Variants in GPC5 observed in about 807,000 individuals in gnomAD.
GPC5 encodes the protein glypican 5.
GPC5 carries 47 observed loss-of-function variants against 53.9 expected under a neutral mutation model. That is an observed-to-expected ratio of 0.87 (90% CI 0.69 to 1.11). The LOEUF (loss-of-function observed/expected upper bound fraction) is 1.11, where lower values mean the gene tolerates loss of function less well. Among genes scored for constraint, GPC5 ranks in the 50% most tolerant of loss-of-function variants. GPC5 has a pLI of 0.00. For missense variants in GPC5, 748 were observed against 713.1 expected, an observed-to-expected ratio of 1.05 and a Z score of -0.56; for synonymous variants, 286 against 263.3, an observed-to-expected ratio of 1.09 and a Z score of -0.84.
chr13:92,705,186 T>G (rs1252341424), intron 7 of GPC5, among the ~76,000 whole-genome samples: 3 of 152,080 alleles, frequency 2.0e-5, no homozygotes, highest in Non-Finnish European at 1.5e-5. Context: ...AAAACTAACT[T>G]CGAGGAATTT....
At chr13:91,467,870 T>G (rs1026524863) in intron 2 of GPC5, among the ~76,000 whole-genome samples, 10 of 152,188 alleles carry the variant, frequency 6.6e-5, no homozygotes, top group African/African-American at 2.4e-4. Context: ...TCATTTTGTT[T>G]TAGTTTGCAA....
At chr13:91,973,000 C>G (rs892274830) in intron 6 of GPC5, among the ~76,000 whole-genome samples, 1 of 152,080 alleles carries the variant, frequency 6.6e-6, no homozygotes, top group East Asian at 1.9e-4. Context: ...TTTCCTGAAT[C>G]TGAATGTTGG....
At chr13:92,437,668 A>G (rs1379568504) in intron 7 of GPC5, among the ~76,000 whole-genome samples, 2 of 152,098 alleles carry the variant, frequency 1.3e-5, no homozygotes, top group Admixed American at 6.6e-5. Context: ...GTGTCATACA[A>G]CATCACCCAT....
chr13:92,458,980 C>G (rs1325154182), intron 7 of GPC5, among the ~76,000 whole-genome samples: 1 of 151,984 alleles, frequency 6.6e-6, no homozygotes, highest in Non-Finnish European at 1.5e-5. Context: ...AATATATGCA[C>G]CCTAATATTA....
intron 2 of GPC5, among the ~76,000 whole-genome samples, chr13:91,688,674 C>T (rs1323113420): frequency 6.6e-6 from 1 of 152,050 alleles, no homozygotes; most frequent in African/African-American, 2.4e-5. Context: ...TAGACAATTT[C>T]GCCATTGTGC....
intron 5 of GPC5, among the ~76,000 whole-genome samples, chr13:91,847,486 T>G (rs1338468770): frequency 6.6e-6 from 1 of 152,066 alleles, no homozygotes; most frequent in Non-Finnish European, 1.5e-5. Flanking sequence ...TAGGCATGGT[T>G]TGCTCCCTCT....
intron 7 of GPC5, among the ~76,000 whole-genome samples, chr13:92,742,911 T>A (rs1166829624): frequency 5.9e-5 from 9 of 152,262 alleles, no homozygotes; most frequent in East Asian, 5.8e-4. Flanking sequence ...GCATTATTTC[T>A]GAGGGCTCTG....
At chr13:92,452,856 A>T (rs1878119542) in intron 7 of GPC5, among the ~76,000 whole-genome samples, 1 of 152,208 alleles carries the variant, frequency 6.6e-6, no homozygotes, top group Admixed American at 6.5e-5. Context: ...GGCATGAGCC[A>T]CCACGCCCGT....
At chr13:91,861,607 T>G (rs2039029115) in intron 5 of GPC5, among the ~76,000 whole-genome samples, 2 of 151,954 alleles carry the variant, frequency 1.3e-5, no homozygotes, top group Admixed American at 1.3e-4. Context: ...GTCTTTATAT[T>G]GAATATATGT....
At position 91,399,015 on chromosome 13, in the gene GPC5, A is replaced by C; in HGVS notation, c.-32A>C. On this transcript the variant is annotated 5_prime_UTR_variant, in exon 1 of 8. Transcript: ENST00000377067. Reference sequence around the variant, plus strand: ...AGGGCGCGCAGGGCGAGTGGGGTCCACTGGCGGGTAAAGGGGACCAGGACG... The same window carrying C: ...AGGGCGCGCAGGGCGAGTGGGGTCCCCTGGCGGGTAAAGGGGACCAGGACG... The C allele has an allele frequency of 6.5e-7, 1 of 1,535,334 alleles. No homozygotes were observed. Among genetic ancestry groups the C allele is most frequent in the Non-Finnish European group, 8.8e-7 (1 of 1,137,034 alleles).
chr13:92,215,300 A>G (rs1273035179), intron 7 of GPC5, among the ~76,000 whole-genome samples: 3 of 152,156 alleles, frequency 2.0e-5, no homozygotes, highest in Non-Finnish European at 2.9e-5. Context: ...TATTTTTTCC[A>G]TCTTTTTATA....
intron 7 of GPC5, among the ~76,000 whole-genome samples, chr13:92,863,417 A>T (rs1298622494): frequency 6.6e-6 from 1 of 152,228 alleles, no homozygotes; most frequent in African/African-American, 2.4e-5. Context: ...CACCACAGCA[A>T]GGGCTCTGTA....
At chr13:91,854,026 A>G (rs1298285422) in intron 5 of GPC5, among the ~76,000 whole-genome samples, 1 of 151,724 alleles carries the variant, frequency 6.6e-6, no homozygotes, top group Non-Finnish European at 1.5e-5. Context: ...CTCTGCTGTT[A>G]GAAGGTTTAT....
rs147369143 is a variant in GPC5 at position 91,844,686 on chromosome 13, C to A, written c.1281-63251C>A. Among the ~76,000 whole-genome samples, 1,042 of 152,082 alleles carry A rather than the reference C, an allele frequency of 6.9e-3. 11 individuals carry two copies. The highest frequency in any genetic ancestry group is 0.021 in the South Asian group (101 of 4,812). ...AACCATCACCTCTATATTGGAATAA[C>A]CTTTGATCCTTGTGTGTTTTTTATT... is the stretch of plus-strand genomic sequence containing the variant. On this transcript the variant is annotated intron_variant, in intron 5 of 7. Coordinates refer to ENST00000377067, the MANE Select transcript of GPC5 (RefSeq NM_004466.6).
chr13:92,546,710 G>C (rs1214560895), intron 7 of GPC5, among the ~76,000 whole-genome samples: 1 of 152,142 alleles, frequency 6.6e-6, no homozygotes, highest in African/African-American at 2.4e-5. Flanking sequence ...ACATTGCCAA[G>C]TCAATCCTAA....
chr13:91,923,011 A>G (rs1019326769), intron 6 of GPC5, among the ~76,000 whole-genome samples: 4 of 152,120 alleles, frequency 2.6e-5, no homozygotes, highest in African/African-American at 9.7e-5. Flanking sequence ...TTTCCGGTAA[A>G]CCAGATTTTC....
At chr13:92,646,026 A>G (rs1485410223) in intron 7 of GPC5, among the ~76,000 whole-genome samples, 1 of 152,004 alleles carries the variant, frequency 6.6e-6, no homozygotes, top group Non-Finnish European at 1.5e-5. Context: ...CTTAATTTTC[A>G]TAAAGTCCAA....
intron 5 of GPC5, among the ~76,000 whole-genome samples, chr13:91,838,015 G>A (rs915825487): frequency 6.6e-6 from 1 of 152,134 alleles, no homozygotes; most frequent in Admixed American, 6.6e-5. Context: ...ACAGCATTCT[G>A]AATAGATAGA....
Position 92,632,683 on chromosome 13 carries a change from G to A in GPC5, c.1562-233599G>A, listed in dbSNP as rs955155836. On this transcript the variant is annotated intron_variant, in intron 7 of 7. Transcript: ENST00000377067. Reference sequence around the variant, plus strand: ...AGTTTTGTTTTTCAAATATATCTGTGATTAAGCCATTTCCTCACGGCTGAT... The same window carrying A: ...AGTTTTGTTTTTCAAATATATCTGTAATTAAGCCATTTCCTCACGGCTGAT... 1.1e-4 allele frequency among the ~76,000 whole-genome samples: 17 copies of A among 152,032 alleles called. 1 individual carries two copies. Among genetic ancestry groups the A allele is most frequent in the Admixed American group, 3.9e-4 (6 of 15,246 alleles).
Sources: gnomAD v4.1 joint callset for allele counts (sites outside exome capture counted in the v4.1 genomes callset) on GRCh38, gnomAD v4.1.1 for gene constraint, MANE v1.5 for transcripts, NCBI Gene and HGNC (gene_info 2026-07-23, HGNC 2026-07-21) for gene names.